UBP1: variants seen among roughly 807,000 people sequenced by gnomAD.
UBP1 encodes the protein upstream-binding protein 1.
A neutral mutation model predicts 76.1 loss-of-function variants in UBP1; 22 were observed. The observed-to-expected ratio is 0.29, with a 90% CI of 0.21 to 0.41. The LOEUF (loss-of-function observed/expected upper bound fraction) is 0.41. Among genes scored for constraint, UBP1 ranks in the 10% least tolerant of loss-of-function variants. The probability of loss-of-function intolerance (pLI) is 1.00; values close to 1 mark genes in which losing one functional copy is unlikely to be tolerated. For missense variants in UBP1, 436 were observed against 668.1 expected, an observed-to-expected ratio of 0.65 and a Z score of 3.83; for synonymous variants, 224 against 237.1, an observed-to-expected ratio of 0.94 and a Z score of 0.51.
intron 14 of UBP1, chr3:33,392,882 T>C (rs2043824883): frequency 2.6e-6 from 1 of 392,138 alleles, no homozygotes; most frequent in East Asian, 4.0e-5. Flanking sequence ...CAGTGGATGA[T>C]GACTCGAACA....
intron 1 of UBP1, among the ~76,000 whole-genome samples, chr3:33,432,898 G>T (rs1294050775): frequency 6.6e-6 from 1 of 152,166 alleles, no homozygotes; most frequent in Non-Finnish European, 1.5e-5. Flanking sequence ...GAAGCTGGGT[G>T]AAGGGTACAT....
chr3:33,440,647 G>C (rs1438724213), upstream of UBP1: 1 of 152,330 alleles, frequency 6.6e-6, no homozygotes, highest in Non-Finnish European at 1.5e-5. Flanking sequence ...TCTAGCGAGC[G>C]AGATGATTGA....
chr3:33,419,947 T>C (rs889624323), intron 2 of UBP1, among the ~76,000 whole-genome samples: 1 of 152,240 alleles, frequency 6.6e-6, no homozygotes, highest in Non-Finnish European at 1.5e-5. Flanking sequence ...TTACTTTTCA[T>C]GTTTTATTTT....
chr3:33,422,441 G>A (rs774675689), intron 2 of UBP1, among the ~76,000 whole-genome samples: 3 of 152,116 alleles, frequency 2.0e-5, no homozygotes, highest in Non-Finnish European at 4.4e-5. Flanking sequence ...AAAAGGCCAG[G>A]TTCAGTGGTT....
At chr3:33,423,554 T>G (rs1378408858) in intron 2 of UBP1, among the ~76,000 whole-genome samples, 6 of 152,100 alleles carry the variant, frequency 3.9e-5, no homozygotes, top group African/African-American at 1.4e-4. Context: ...AAGTGAGGTA[T>G]CACCTGAGAA....
intron 1 of UBP1, among the ~76,000 whole-genome samples, chr3:33,433,451 G>A (rs546160799): frequency 6.7e-6 from 1 of 148,984 alleles, no homozygotes; most frequent in East Asian, 2.0e-4. Flanking sequence ...TCAGGAGCTC[G>A]AGACCAGCCT....
At chr3:33,402,683 CCTTA>C (rs1213454049) in intron 9 of UBP1, 114 bp downstream of exon 9, 50 of 664,250 alleles carry the variant, frequency 7.5e-5, no homozygotes, top group South Asian at 3.1e-4. Context: ...GGATACTTCC[CCTTA>C]CTGTTTCCTT....
At position 33,394,239 on chromosome 3, in the gene UBP1, G is replaced by T. The variant is rs527785500; in HGVS notation, c.1391-785C>A. Among the ~76,000 whole-genome samples, 4 of 148,444 alleles carry T rather than the reference G, an allele frequency of 2.7e-5. No individual in the cohort carries two copies. The South Asian group carries it at 8.6e-4, about 32-fold the overall frequency. ...TATTATTATTATTTGTAGAGACAGG[G>T]TTTCACCATGTTGCCCAAGCTGTCT... On this transcript the variant is annotated intron_variant, in intron 13 of 15. Coordinates refer to ENST00000283629, the MANE Select transcript of UBP1 (RefSeq NM_014517.5).
intron 2 of UBP1, among the ~76,000 whole-genome samples, chr3:33,423,909 T>C (rs2044962758): frequency 6.6e-6 from 1 of 152,256 alleles, no homozygotes; most frequent in Non-Finnish European, 1.5e-5. Context: ...GAAATATCTT[T>C]ATCTGGTTTA....
intron 8 of UBP1, 68 bp from the exon 9 acceptor site, chr3:33,402,972 TTCAC>T (rs2044286987): frequency 1.5e-6 from 2 of 1,332,370 alleles, no homozygotes; most frequent in South Asian, 1.3e-5. Context: ...ATTTTTGTAA[TTCAC>T]TCACTAACCA....
intron 5 of UBP1, 134 bp from the exon 6 acceptor site, chr3:33,409,735 C>G (rs1003424090): frequency 3.6e-6 from 4 of 1,119,496 alleles, no homozygotes; most frequent in Non-Finnish European, 5.1e-6. Flanking sequence ...ACATATTAGC[C>G]AAATTATCTA....
chr3:33,405,081 T>C (rs1377477757), intron 8 of UBP1, among the ~76,000 whole-genome samples: 1 of 152,210 alleles, frequency 6.6e-6, no homozygotes, highest in East Asian at 1.9e-4. Flanking sequence ...AAAAATTAAA[T>C]TTCAATTTAT....
intron 8 of UBP1, among the ~76,000 whole-genome samples, chr3:33,406,196 T>C (rs954978998): frequency 1.3e-5 from 2 of 152,320 alleles, no homozygotes; most frequent in East Asian, 3.9e-4. Context: ...GGAGGACTGC[T>C]TGAGGAGATT....
rs1310646805 is a variant in UBP1 at position 33,389,485 on chromosome 3, G to C, written c.*846C>G. 6.7e-6 allele frequency: 1 copy of C among 149,604 alleles called. No individual in the cohort carries two copies. The highest frequency in any genetic ancestry group is 2.5e-5 in the African/African-American group (1 of 40,590). The allele number at this position is 149,604 out of a possible 1,614,324, so 9.3% of individuals were successfully genotyped here. ...TAGGATGGTGGGGGTGGGGGGTTAG[G>C]GTGGGGGTGGTCAGAGATGGAGGGA... On this transcript the variant is annotated 3_prime_UTR_variant, in exon 16 of 16. Coordinates refer to ENST00000283629, the MANE Select transcript of UBP1 (RefSeq NM_014517.5).
rs773687450 is a variant in UBP1 at position 33,402,805 on chromosome 3, C to T, written c.1027G>A (p.Asp343Asn). The part of the protein sequence containing the change: ...SPQQSTCSVP[D>N]SNSSSPNHQG... ...ACGATCACACAAACTAGATACCTGT[C>T]TGGGACACTGCAAGTGCTCTGCTGT... The change falls in exon 9 of 16, where the codon GAC (aspartate) becomes AAC (asparagine). Residue 343 changes from aspartate to asparagine, a missense_variant. Around this residue, in one of 3 missense-constraint regions of UBP1, gnomAD observed 210 missense variants for 272.8 expected, o/e 0.77. Coordinates refer to ENST00000283629, the MANE Select transcript of UBP1 (RefSeq NM_014517.5). The T allele has an allele frequency of 5.7e-6, 9 of 1,579,942 alleles. No individual in the cohort carries two copies. The highest frequency in any genetic ancestry group is 6.9e-6 in the Non-Finnish European group (8 of 1,166,838).
chr3:33,430,134 G>A (rs536210220), intron 1 of UBP1, among the ~76,000 whole-genome samples: 1 of 152,316 alleles, frequency 6.6e-6, no homozygotes, highest in South Asian at 2.1e-4. Context: ...ATTCTTGAAA[G>A]TATTAAAGAA....
intron 11 of UBP1, among the ~76,000 whole-genome samples, chr3:33,399,635 G>T (rs114762985): frequency 1.2e-4 from 19 of 152,296 alleles, no homozygotes; most frequent in African/African-American, 4.6e-4. Context: ...GGTTGCCAAG[G>T]ACTAGGGATG....
rs577248151 is a variant in UBP1, at chr3:33,392,514, C to A, written c.1585+49G>T. On this transcript the variant is annotated intron_variant, in intron 15 of 15. Coordinates refer to ENST00000283629, the MANE Select transcript of UBP1 (RefSeq NM_014517.5). ...GAGAGGCACTAATTAGAGGCACACA[C>A]CATCTCTCATGATTCCAGCATTTTA... The A allele has an allele frequency of 1.2e-5, 19 of 1,532,072 alleles. No individual in the cohort carries two copies. In the East Asian group the frequency reaches 4.1e-4, roughly 33 times the overall value. The allele number at this position is 1,532,072 out of a possible 1,614,324, so 94.9% of individuals were successfully genotyped here. A position where few individuals can be genotyped will look rare whatever the true frequency, so the allele number is the denominator to read the frequency against.
chr3:33,405,377 GA>G (rs1639179131), intron 8 of UBP1, among the ~76,000 whole-genome samples: 2 of 152,172 alleles, frequency 1.3e-5, no homozygotes, highest in African/African-American at 2.4e-5. Context: ...TGCACTTCAA[GA>G]GTAATGTCAC....
Sources: gnomAD v4.1 joint callset for allele counts (sites outside exome capture counted in the v4.1 genomes callset) on GRCh38, gnomAD v4.1.1 for gene constraint, gnomAD v4.1.1 regional missense constraint, MANE v1.5 for transcripts, NCBI Gene and HGNC (gene_info 2026-07-23, HGNC 2026-07-21) for gene names.